Variants in GPR158 observed in about 807,000 individuals in gnomAD.
GPR158 encodes G protein-coupled receptor 158.
GPR158 carries 30 observed loss-of-function variants against 78.2 expected under a neutral mutation model. That is an observed-to-expected ratio of 0.38 (90% CI 0.29 to 0.52). GPR158 has a LOEUF of 0.52. GPR158 is among the 20% of genes least tolerant of loss of function. The pLI is 0.83. For missense variants in GPR158, 1,463 were observed against 1,523.5 expected, an observed-to-expected ratio of 0.96 and a Z score of 0.66; for synonymous variants, 581 against 591.1, an observed-to-expected ratio of 0.98 and a Z score of 0.25.
At chr10:25,421,833 C>T (rs1015525185) in intron 4 of GPR158, among the ~76,000 whole-genome samples, 1 of 152,090 alleles carries the variant, frequency 6.6e-6, no homozygotes, top group Non-Finnish European at 1.5e-5. Context: ...TCAAGAGTTA[C>T]TTGCCATCAA....
chr10:25,437,438 C>A (rs11014556), intron 4 of GPR158, among the ~76,000 whole-genome samples: 1,560 of 152,206 alleles, frequency 0.01, 28 homozygotes, highest in African/African-American at 0.036. Context: ...GTTGCCCAGG[C>A]TGGTCTCGAA....
At chr10:25,532,733 T>C (rs1836442351) in intron 5 of GPR158, among the ~76,000 whole-genome samples, 1 of 111,776 alleles carries the variant, frequency 8.9e-6, no homozygotes, top group Non-Finnish European at 1.9e-5. Context: ...AAGTGACACA[T>C]TTGTTGTAAA....
intron 4 of GPR158, 136 bp from the exon 5 acceptor site, chr10:25,466,515 T>C (rs1835426297): frequency 1.4e-5 from 8 of 564,516 alleles, no homozygotes; most frequent in African/African-American, 1.3e-4. Flanking sequence ...ACCTGAATAC[T>C]AACCAATTTT....
intron 1 of GPR158, among the ~76,000 whole-genome samples, chr10:25,195,199 T>G (rs1852827642): frequency 6.6e-6 from 1 of 151,720 alleles, no homozygotes; most frequent in African/African-American, 2.4e-5. Context: ...GATCAACTTT[T>G]TCTTTCTTTC....
chr10:25,539,931 A>T (rs566592807), intron 5 of GPR158, among the ~76,000 whole-genome samples: 35 of 152,290 alleles, frequency 2.3e-4, no homozygotes, highest in South Asian at 2.3e-3. Flanking sequence ...TCTCTTGCCA[A>T]ATATAGAAAA....
At chr10:25,238,863 A>G (rs2130703754) in intron 2 of GPR158, among the ~76,000 whole-genome samples, 1 of 152,358 alleles carries the variant, frequency 6.6e-6, no homozygotes, top group Non-Finnish European at 1.5e-5. Context: ...ATTGCTGCAC[A>G]TATTTAGCTT....
chr10:25,429,952 A>G (rs557450424), intron 4 of GPR158, among the ~76,000 whole-genome samples: 33 of 138,200 alleles, frequency 2.4e-4, no homozygotes, highest in African/African-American at 3.6e-4. Flanking sequence ...AACTGGCACA[A>G]GACAGGGATG....
intron 2 of GPR158, among the ~76,000 whole-genome samples, chr10:25,345,896 A>T (rs1855365270): frequency 1.3e-5 from 2 of 151,968 alleles, no homozygotes; most frequent in Admixed American, 6.6e-5. Flanking sequence ...AGACATCTGT[A>T]TTGGGGGTGG....
At chr10:25,582,981 G>T (rs1379005841) in intron 7 of GPR158, among the ~76,000 whole-genome samples, 1 of 152,180 alleles carries the variant, frequency 6.6e-6, no homozygotes, top group East Asian at 1.9e-4. Context: ...ATTTCCAGGG[G>T]TTAAGAAAAT....
At chr10:25,379,276 A>G (rs937277523) in intron 2 of GPR158, among the ~76,000 whole-genome samples, 2 of 148,926 alleles carry the variant, frequency 1.3e-5, no homozygotes, top group Non-Finnish European at 3.0e-5. Context: ...ATTGAATGTC[A>G]GGCATCGTGT....
At chr10:25,312,683 G>A (rs148826637) in intron 2 of GPR158, among the ~76,000 whole-genome samples, 35 of 152,148 alleles carry the variant, frequency 2.3e-4, no homozygotes, top group Middle Eastern at 3.4e-3. Context: ...TAAGTGCTTT[G>A]CGCATACTTT....
Position 25,597,957 on chromosome 10 carries a change from C to T in GPR158, c.2331C>T (p.Ala777=), listed in dbSNP as rs565511885. 2.6e-4 allele frequency: 413 copies of T among 1,613,922 alleles called. 3 individuals are homozygous for T. The South Asian group carries it at 4.2e-3, about 16-fold the overall frequency. The part of the protein sequence containing the change: ...RQCSKEDKEG[A]DHGTAKGTAL... Reference sequence around the variant, plus strand: ...GCTCTAAAGAGGACAAGGAGGGCGCCGACCATGGCACAGCCAAAGGCACTG... The same window carrying T: ...GCTCTAAAGAGGACAAGGAGGGCGCTGACCATGGCACAGCCAAAGGCACTG... Residue 777 remains alanine, a synonymous_variant, in exon 11 of 11, where the codon GCC becomes GCT. Coordinates refer to ENST00000376351, the MANE Select transcript of GPR158 (RefSeq NM_020752.3).
At chr10:25,442,274 G>A (rs1835078340) in intron 4 of GPR158, among the ~76,000 whole-genome samples, 1 of 152,122 alleles carries the variant, frequency 6.6e-6, no homozygotes, top group Admixed American at 6.5e-5. Flanking sequence ...AACTAAATGA[G>A]CAGTTAAACA....
intron 1 of GPR158, 49 bp from the exon 2 acceptor site, chr10:25,221,003 T>A: frequency 9.8e-7 from 1 of 1,017,324 alleles, no homozygotes; most frequent in Non-Finnish European, 1.5e-6. Flanking sequence ...TACAGAGAAA[T>A]CATAAATGTC....
chr10:25,424,862 T>C (rs9417426), intron 4 of GPR158, among the ~76,000 whole-genome samples: 106,357 of 152,048 alleles, frequency 0.7, 38,216 homozygotes, highest in Non-Finnish European at 0.8. Flanking sequence ...ATCTTGGCAA[T>C]GCGGGCTCTT....
At chr10:25,448,347 C>T (rs957652087) in intron 4 of GPR158, among the ~76,000 whole-genome samples, 2 of 152,118 alleles carry the variant, frequency 1.3e-5, no homozygotes, top group Non-Finnish European at 2.9e-5. Context: ...ACCTTGGCCT[C>T]CCAAAGTGCT....
chr10:25,465,124 C>G (rs1378214450), intron 4 of GPR158, among the ~76,000 whole-genome samples: 2 of 152,014 alleles, frequency 1.3e-5, no homozygotes, highest in African/African-American at 4.8e-5. Context: ...ATTTTTTCTC[C>G]CTGGCTATCC....
intron 2 of GPR158, among the ~76,000 whole-genome samples, chr10:25,236,907 A>G (rs1220020882): frequency 1.3e-5 from 2 of 152,348 alleles, no homozygotes; most frequent in Non-Finnish European, 2.9e-5. Context: ...GTATTCATAC[A>G]AATGTATATA....
At position 25,477,106 on chromosome 10, in the gene GPR158, CT is replaced by C. The variant is rs34943277; in HGVS notation, c.1404+10395del. On this transcript the variant is annotated intron_variant, in intron 5 of 10. Transcript: ENST00000376351. ...CAAAACCTTAAACTAAAACTTAAGACTTTTTTTTAACTCCATTTTTTTGCGA... is the reference window on the plus strand; with the variant it reads ...CAAAACCTTAAACTAAAACTTAAGACTTTTTTTAACTCCATTTTTTTGCGA... 7.9e-5 allele frequency among the ~76,000 whole-genome samples: 12 copies of C among 151,986 alleles called. No individual in the cohort carries two copies. In the South Asian group the frequency reaches 1.9e-3, roughly 24 times the overall value.
Sources: allele counts gnomAD v4.1 joint callset (sites outside exome capture counted in the v4.1 genomes callset), GRCh38; gene constraint gnomAD v4.1.1; transcripts MANE v1.5; gene names NCBI Gene and HGNC (gene_info 2026-07-23, HGNC 2026-07-21).